Variants in UGT1A8 observed in about 807,000 individuals in gnomAD.
The protein encoded by UGT1A8 is UDP-glucuronosyltransferase 1A8.
In UGT1A8, 39 loss-of-function variants were observed where a neutral mutation model predicts 45.3. That is an observed-to-expected ratio of 0.86 (90% CI 0.67 to 1.12). The LOEUF is 1.12. Among genes scored for constraint, UGT1A8 ranks in the 50% most tolerant of loss-of-function variants. The pLI, the probability that UGT1A8 is intolerant of heterozygous loss-of-function variation, is 0.00. For missense variants in UGT1A8, 719 were observed against 664.9 expected, an observed-to-expected ratio of 1.08 and a Z score of -0.90; for synonymous variants, 275 against 249.2, an observed-to-expected ratio of 1.10 and a Z score of -0.97.
intron 1 of UGT1A8, among the ~76,000 whole-genome samples, chr2:233,653,624 T>A (rs2073789285): frequency 6.6e-6 from 1 of 152,120 alleles, no homozygotes; most frequent in African/African-American, 2.4e-5. Context: ...TGAGACAGAG[T>A]CTCGCTGTGT....
chr2:233,631,408 C>T (rs1037600475), intron 1 of UGT1A8, among the ~76,000 whole-genome samples: 14 of 152,098 alleles, frequency 9.2e-5, no homozygotes, highest in African/African-American at 2.4e-4. Context: ...CTTGATGAAT[C>T]GCCACACTGT....
chr2:233,765,183 T>A (rs1157736453), intron 1 of UGT1A8, among the ~76,000 whole-genome samples: 1 of 152,162 alleles, frequency 6.6e-6, no homozygotes. Flanking sequence ...CCCTGCCACA[T>A]CACACAATCA....
chr2:233,760,182 T>C lies in UGT1A8; in HGVS notation c.856-6852T>C, dbSNP rs34547608. The C allele has an allele frequency of 4.0e-3, 6,144 of 1,550,378 alleles. 201 individuals are homozygous for C. The African/African-American group carries it at 0.074, about 19-fold the overall frequency. Reference sequence around the variant, plus strand: ...ACCTTTGTGGACTGACAGCTTTTTATAGTCACGTGACACAGTCAAACATTA... The same window carrying C: ...ACCTTTGTGGACTGACAGCTTTTTACAGTCACGTGACACAGTCAAACATTA... On this transcript the variant is annotated intron_variant, in intron 1 of 4. Transcript: ENST00000373450.
chr2:233,665,339 TA>T (rs1371510503), intron 1 of UGT1A8, among the ~76,000 whole-genome samples: 1 of 152,258 alleles, frequency 6.6e-6, no homozygotes, highest in Non-Finnish European at 1.5e-5. Flanking sequence ...CACTCTTTAA[TA>T]CTTTCTTTAC....
chr2:233,755,676 G>A (rs1559401147), intron 1 of UGT1A8: 1 of 157,436 alleles, frequency 6.4e-6, no homozygotes, highest in Non-Finnish European at 1.4e-5. Context: ...TGGTGGGAGT[G>A]AGTTTAGTCT....
intron 1 of UGT1A8, among the ~76,000 whole-genome samples, chr2:233,683,194 A>G (rs2074622328): frequency 6.6e-6 from 1 of 152,168 alleles, no homozygotes; most frequent in Non-Finnish European, 1.5e-5. Flanking sequence ...TATTTAGGGT[A>G]AATTGTCACT....
chr2:233,731,825 G>C (rs994519436), intron 1 of UGT1A8, among the ~76,000 whole-genome samples: 58 of 152,108 alleles, frequency 3.8e-4, no homozygotes, highest in African/African-American at 1.4e-3. Flanking sequence ...GTGTCAAATG[G>C]TATTTCTAGT....
At chr2:233,649,140 C>A in intron 1 of UGT1A8, 1 of 641,968 alleles carries the variant, frequency 1.6e-6, no homozygotes, top group Non-Finnish European at 2.2e-6. Flanking sequence ...AATTTCTTTT[C>A]TGTGTAAAAA....
intron 1 of UGT1A8, among the ~76,000 whole-genome samples, chr2:233,662,944 T>G (rs753746113): frequency 6.6e-6 from 1 of 152,216 alleles, no homozygotes; most frequent in African/African-American, 2.4e-5. Context: ...GATTTATTTT[T>G]AAAGCTTATT....
rs754677886 is a variant in UGT1A8, at chr2:233,617,860, G to A, written c.153G>A (p.Arg51=). 3.2e-5 allele frequency: 51 copies of A among 1,613,958 alleles called. No individual in the cohort carries two copies. The highest frequency in any genetic ancestry group is 4.3e-5 in the Non-Finnish European group (51 of 1,180,022). ...MQSVVEKLIL[R]GHEVVVVMPE... ...CGGTGGTGGAGAAACTTATCCTCAG[G>A]GGGCATGAGGTGGTTGTAGTCATGC... Residue 51 remains arginine, a synonymous_variant, in exon 1 of 5, where the codon AGG becomes AGA. Transcript: ENST00000373450.
chr2:233,683,088 T>C (rs1486905102), intron 1 of UGT1A8, among the ~76,000 whole-genome samples: 3 of 152,330 alleles, frequency 2.0e-5, no homozygotes, highest in East Asian at 1.9e-4. Context: ...CTTCCCTTTT[T>C]TTGCTAATTC....
At chr2:233,730,076 AT>A (rs1473857752) in intron 1 of UGT1A8, 33 of 1,607,120 alleles carry the variant, frequency 2.1e-5, no homozygotes, top group Non-Finnish European at 2.4e-5. Flanking sequence ...TTGCTTCCAT[AT>A]TTACTTATCT....
chr2:233,764,219 C>T (rs759767670), intron 1 of UGT1A8, among the ~76,000 whole-genome samples: 2 of 152,130 alleles, frequency 1.3e-5, no homozygotes, highest in Non-Finnish European at 2.9e-5. Context: ...TGAAGGGAAT[C>T]AATGGTGGGG....
intron 1 of UGT1A8, among the ~76,000 whole-genome samples, chr2:233,706,484 G>A (rs1195112005): frequency 1.3e-5 from 2 of 152,226 alleles, no homozygotes; most frequent in Non-Finnish European, 2.9e-5. Flanking sequence ...GGGTACATGA[G>A]GGTGTCCAGG....
At chr2:233,707,049 C>T (rs1469327934) in intron 1 of UGT1A8, among the ~76,000 whole-genome samples, 2 of 152,080 alleles carry the variant, frequency 1.3e-5, no homozygotes, top group African/African-American at 4.8e-5. Context: ...GGAAGCTGCT[C>T]AGGTGGACAG....
At chr2:233,753,682 C>T (rs1184784607) in intron 1 of UGT1A8, 1 of 152,178 alleles carries the variant, frequency 6.6e-6, no homozygotes, top group Non-Finnish European at 1.5e-5. Context: ...CTCACCCAAA[C>T]AATATTACAG....
intron 1 of UGT1A8, among the ~76,000 whole-genome samples, chr2:233,761,978 G>A (rs947618547): frequency 6.6e-6 from 1 of 152,138 alleles, no homozygotes; most frequent in Non-Finnish European, 1.5e-5. Flanking sequence ...TATCACCTTC[G>A]GAGGTGACCT....
At chr2:233,698,897 C>T (rs1008517495) in intron 1 of UGT1A8, among the ~76,000 whole-genome samples, 2 of 152,370 alleles carry the variant, frequency 1.3e-5, no homozygotes. Context: ...TACCTGCCTC[C>T]TCTGCCCAAG....
Position 233,737,223 on chromosome 2 carries a change from T to G in UGT1A8, c.856-29811T>G, listed in dbSNP as rs929456568. ...GCGGTGGACTCTGTTCAGTTCCAGC[T>G]TCCTGGATGCTTTGTTTACCTACTC... On this transcript the variant is annotated intron_variant, in intron 1 of 4. Transcript: ENST00000373450. Among the ~76,000 whole-genome samples, 4 of 152,236 alleles carry G rather than the reference T, an allele frequency of 2.6e-5. No homozygotes were observed. In the East Asian group the frequency reaches 7.7e-4, roughly 29 times the overall value.
Sources: gnomAD v4.1 joint callset for allele counts (sites outside exome capture counted in the v4.1 genomes callset) on GRCh38, gnomAD v4.1.1 for gene constraint, MANE v1.5 for transcripts, NCBI Gene and HGNC (gene_info 2026-07-23, HGNC 2026-07-21) for gene names.